VWC2: variants seen among roughly 807,000 people sequenced by gnomAD.
VWC2 encodes the protein von Willebrand factor C domain containing 2, also known as brorin.
In VWC2, 14 loss-of-function variants were observed where a neutral mutation model predicts 29.8. That is an observed-to-expected ratio of 0.47 (90% CI 0.31 to 0.74). The LOEUF is 0.74. Ranked by LOEUF, VWC2 falls within the 30% of genes least tolerant of loss-of-function variation. The pLI is 0.05. For missense variants in VWC2, 457 were observed against 459.8 expected (o/e 0.99, Z 0.05); for synonymous variants, 213 against 199.0 (o/e 1.07, Z -0.59).
At chr7:49,835,654 A>G (rs1789639472) in intron 3 of VWC2, among the ~76,000 whole-genome samples, 1 of 152,202 alleles carries the variant, frequency 6.6e-6, no homozygotes, top group South Asian at 2.1e-4. Context: ...AAAATTACAG[A>G]AGGGGCTCAG....
chr7:49,855,555 G>A (rs1298716800), intron 3 of VWC2, among the ~76,000 whole-genome samples: 1 of 152,230 alleles, frequency 6.6e-6, no homozygotes, highest in Non-Finnish European at 1.5e-5. Context: ...CAGGGACAGA[G>A]AGGAGGAAGA....
chr7:49,814,048 T>A (rs1789074046), intron 3 of VWC2, among the ~76,000 whole-genome samples: 1 of 152,216 alleles, frequency 6.6e-6, no homozygotes, highest in African/African-American at 2.4e-5. Flanking sequence ...TTTCCCAACA[T>A]AAGTCAAGAA....
chr7:49,879,096 G>A (rs1024985289), intron 3 of VWC2, among the ~76,000 whole-genome samples: 2 of 151,910 alleles, frequency 1.3e-5, no homozygotes, highest in Admixed American at 6.6e-5. Flanking sequence ...AATCCTCAAA[G>A]GTCTCTGCTT....
chr7:49,801,602 G>A (rs189840307), intron 2 of VWC2, among the ~76,000 whole-genome samples: 1 of 152,364 alleles, frequency 6.6e-6, no homozygotes, highest in African/African-American at 2.4e-5. Flanking sequence ...TGAGCCCATG[G>A]CTGGAAAGTA....
intron 3 of VWC2, among the ~76,000 whole-genome samples, chr7:49,894,314 C>T (rs1268913581): frequency 6.6e-6 from 1 of 152,192 alleles, no homozygotes; most frequent in African/African-American, 2.4e-5. Flanking sequence ...CACCGCCATG[C>T]CCGGCTAATT....
chr7:49,851,009 C>T (rs547944466), intron 3 of VWC2, among the ~76,000 whole-genome samples: 2 of 152,162 alleles, frequency 1.3e-5, no homozygotes, highest in Non-Finnish European at 2.9e-5. Flanking sequence ...TTTACTCGTC[C>T]GCAATTCTGC....
At chr7:49,783,952 C>T (rs1404430223) in intron 2 of VWC2, among the ~76,000 whole-genome samples, 1 of 152,042 alleles carries the variant, frequency 6.6e-6, no homozygotes, top group African/African-American at 2.4e-5. Flanking sequence ...CCAGGTGGCT[C>T]TGCACATTTC....
chr7:49,787,186 T>G (rs1788318151), intron 2 of VWC2, among the ~76,000 whole-genome samples: 1 of 152,218 alleles, frequency 6.6e-6, no homozygotes, highest in Non-Finnish European at 1.5e-5. Context: ...TCAGATTCCT[T>G]TCCTACTGCT....
chr7:49,871,957 A>C (rs1247964280), intron 3 of VWC2, among the ~76,000 whole-genome samples: 8 of 107,724 alleles, frequency 7.4e-5, no homozygotes, highest in African/African-American at 1.7e-4. Flanking sequence ...ACACACACAC[A>C]CCGAGAAAGA....
chr7:49,828,270 T>TA (rs769609319), intron 3 of VWC2, among the ~76,000 whole-genome samples: 12 of 152,172 alleles, frequency 7.9e-5, no homozygotes, highest in Non-Finnish European at 1.6e-4. Flanking sequence ...TTCTTTTGCT[T>TA]ATGGATCTTT....
rs1447539398 is a variant in VWC2, at chr7:49,872,773, C to T, written c.827-39261C>T. On this transcript the variant is annotated intron_variant, in intron 3 of 3. Transcript: ENST00000340652. ...ATACAAAAAAAAAAAAAAATTAGTC[C>T]GGTGTGGTGGCACACACCTGTAATC... Among the ~76,000 whole-genome samples the T allele has an allele frequency of 4.7e-5, 7 of 149,410 alleles. No homozygotes were observed. In the South Asian group the frequency reaches 6.4e-4, roughly 14 times the overall value.
chr7:49,785,935 A>T (rs17133494), intron 2 of VWC2, among the ~76,000 whole-genome samples: 25,021 of 152,164 alleles, frequency 0.16, 2,145 homozygotes, highest in African/African-American at 0.21. Flanking sequence ...GAAGGAGTGG[A>T]TAAAACTTAA....
chr7:49,776,505 G>C (rs772876117), intron 2 of VWC2, among the ~76,000 whole-genome samples: 2 of 152,166 alleles, frequency 1.3e-5, no homozygotes, highest in African/African-American at 2.4e-5. Flanking sequence ...GTAATTTACG[G>C]TACCATTTGG....
chr7:49,859,334 G>T (rs1413079952), intron 3 of VWC2, among the ~76,000 whole-genome samples: 1 of 152,058 alleles, frequency 6.6e-6, no homozygotes, highest in Non-Finnish European at 1.5e-5. Flanking sequence ...TTTAAGTCTG[G>T]TTTTTAAAAT....
intron 3 of VWC2, among the ~76,000 whole-genome samples, chr7:49,864,959 T>C (rs148595474): frequency 2.6e-5 from 4 of 152,240 alleles, no homozygotes; most frequent in Non-Finnish European, 5.9e-5. Flanking sequence ...TTCCTGTTTG[T>C]TTTTCAGTGC....
chr7:49,837,643 T>C (rs1789694426), intron 3 of VWC2, among the ~76,000 whole-genome samples: 1 of 152,162 alleles, frequency 6.6e-6, no homozygotes. Flanking sequence ...AATTTTAAAG[T>C]TATGAGATTT....
At chr7:49,824,208 C>A (rs911689683) in intron 3 of VWC2, among the ~76,000 whole-genome samples, 7 of 152,150 alleles carry the variant, frequency 4.6e-5, no homozygotes, top group Non-Finnish European at 1.5e-5. Flanking sequence ...CTTACATTGT[C>A]TTCCAGAAGT....
chr7:49,831,782 G>A lies in VWC2; in HGVS notation c.826+28942G>A, dbSNP rs570189771. Among the ~76,000 whole-genome samples the A allele has an allele frequency of 2.2e-3, 341 of 152,292 alleles. 6 individuals are homozygous for A. Among genetic ancestry groups the A allele is most frequent in the Non-Finnish European group, 4.3e-3 (291 of 68,036 alleles). On this transcript the variant is annotated intron_variant, in intron 3 of 3. Coordinates refer to ENST00000340652, the MANE Select transcript of VWC2 (RefSeq NM_198570.5). ...AACATAAACCCAAACTTAGCAAGAAGAGACTTTTATTCAGAAGGATTTTTA... is the reference window on the plus strand; with the variant it reads ...AACATAAACCCAAACTTAGCAAGAAAAGACTTTTATTCAGAAGGATTTTTA...
intron 2 of VWC2, among the ~76,000 whole-genome samples, chr7:49,801,320 C>G (rs1197593503): frequency 2.0e-5 from 3 of 152,238 alleles, no homozygotes; most frequent in African/African-American, 7.2e-5. Context: ...AGCAGGAACT[C>G]AGCTTGATAC....
Sources: gnomAD v4.1 joint callset for allele counts (sites outside exome capture counted in the v4.1 genomes callset) on GRCh38, gnomAD v4.1.1 for gene constraint, MANE v1.5 for transcripts, NCBI Gene and HGNC (gene_info 2026-07-23, HGNC 2026-07-21) for gene names.